The following AGBL1 variants were observed in gnomAD, a reference collection of about 807,000 sequenced individuals.
AGBL1 encodes cytosolic carboxypeptidase 4.
In AGBL1, 130 loss-of-function variants were observed where a neutral mutation model predicts 118.9. That is an observed-to-expected ratio of 1.09 (90% CI 0.95 to 1.26). The LOEUF (loss-of-function observed/expected upper bound fraction) is 1.26. Among genes scored for constraint, AGBL1 ranks in the 50% most tolerant of loss-of-function variants. The probability of loss-of-function intolerance (pLI) is 0.00; values close to 1 mark genes in which losing one functional copy is unlikely to be tolerated. For missense variants in AGBL1, 1,584 were observed against 1,298.1 expected (o/e 1.22, Z -3.38); for synonymous variants, 555 against 478.9 (o/e 1.16, Z -2.08).
chr15:86,278,720 G>A (rs148715355), intron 15 of AGBL1, among the ~76,000 whole-genome samples: 40 of 152,260 alleles, frequency 2.6e-4, no homozygotes, highest in East Asian at 1.9e-4. Context: ...CTTGGTGTCC[G>A]GGTGTATTTT....
chr15:86,366,815 AG>A (rs1356141542), intron 17 of AGBL1, among the ~76,000 whole-genome samples: 1 of 152,120 alleles, frequency 6.6e-6, no homozygotes, highest in Non-Finnish European at 1.5e-5. Context: ...GGGGGGAAAA[AG>A]GTTCCTTTAC....
intron 17 of AGBL1, among the ~76,000 whole-genome samples, chr15:86,358,952 A>ATT (rs200755043): frequency 6.8e-6 from 1 of 148,000 alleles, no homozygotes; most frequent in Non-Finnish European, 1.5e-5. Context: ...ATTTGCAAGT[A>ATT]TTTTTTTTTT....
chr15:86,847,727 C>T (rs1010933245), intron 22 of AGBL1, among the ~76,000 whole-genome samples: 7 of 152,144 alleles, frequency 4.6e-5, no homozygotes, highest in East Asian at 1.9e-4. Context: ...ATTTTTTGCA[C>T]GTCCTCTTGC....
chr15:86,842,774 C>T (rs907728369), intron 22 of AGBL1, among the ~76,000 whole-genome samples: 4 of 152,116 alleles, frequency 2.6e-5, no homozygotes, highest in Non-Finnish European at 5.9e-5. Flanking sequence ...CATTCTTTCT[C>T]TCCAACTGGA....
chr15:86,442,648 G>T (rs964011167), intron 18 of AGBL1, among the ~76,000 whole-genome samples: 1 of 152,192 alleles, frequency 6.6e-6, no homozygotes, highest in Non-Finnish European at 1.5e-5. Flanking sequence ...CTTTGGGAAA[G>T]AACTAGATAT....
chr15:86,322,207 ACTT>A (rs1229804357), intron 17 of AGBL1, among the ~76,000 whole-genome samples: 1 of 151,414 alleles, frequency 6.6e-6, no homozygotes. Flanking sequence ...ATCTTTATTA[ACTT>A]CTTTTTTTGA....
intron 21 of AGBL1, among the ~76,000 whole-genome samples, chr15:86,665,026 T>G (rs1010682423): frequency 6.6e-6 from 1 of 152,146 alleles, no homozygotes; most frequent in Non-Finnish European, 1.5e-5. Context: ...CAGTTAACAT[T>G]TTTGTGCCCA....
chr15:86,931,478 G>A (rs531757809), intron 23 of AGBL1, among the ~76,000 whole-genome samples: 1 of 151,988 alleles, frequency 6.6e-6, no homozygotes, highest in South Asian at 2.1e-4. Flanking sequence ...GTGGACCCCA[G>A]TTCAGTTTGG....
chr15:86,719,558 T>C (rs192840764), intron 22 of AGBL1, among the ~76,000 whole-genome samples: 1 of 152,238 alleles, frequency 6.6e-6, no homozygotes, highest in East Asian at 1.9e-4. Context: ...CTGAAGCTTT[T>C]CTCTCAGATC....
At chr15:86,746,805 C>G (rs2077763271) in intron 22 of AGBL1, among the ~76,000 whole-genome samples, 1 of 152,012 alleles carries the variant, frequency 6.6e-6, no homozygotes, top group Non-Finnish European at 1.5e-5. Context: ...GGCCGAAACA[C>G]ATGTAACTAT....
chr15:86,832,829 A>G (rs978676244), intron 22 of AGBL1, among the ~76,000 whole-genome samples: 4 of 152,204 alleles, frequency 2.6e-5, no homozygotes, highest in African/African-American at 2.4e-5. Context: ...TCTTTATAGC[A>G]GCACCTCACT....
rs147038974 is a variant in AGBL1, at chr15:86,892,153, C to T, written c.3159-14934C>T. ...AGGTCAAACACCGTCTCTCCTTTCC[C>T]TCTCTTTTGCTTTCATTCTTTTCCT... On this transcript the variant is annotated intron_variant, in intron 22 of 22. Coordinates refer to ENST00000614907, the MANE Select transcript of AGBL1 (RefSeq NM_001386094.1). Among the ~76,000 whole-genome samples the T allele has an allele frequency of 2.8e-3, 428 of 152,182 alleles. 3 individuals carry two copies. Among genetic ancestry groups the T allele is most frequent in the African/African-American group, 9.5e-3 (394 of 41,536 alleles).
chr15:86,749,264 T>G (rs2141250219), intron 22 of AGBL1, among the ~76,000 whole-genome samples: 1 of 152,284 alleles, frequency 6.6e-6, no homozygotes, highest in South Asian at 2.1e-4. Context: ...TGTATTCTCT[T>G]TGAAGCAGTT....
chr15:86,789,185 C>A (rs2078456726), intron 22 of AGBL1, among the ~76,000 whole-genome samples: 1 of 152,218 alleles, frequency 6.6e-6, no homozygotes, highest in Non-Finnish European at 1.5e-5. Context: ...TGGGCTCAGC[C>A]CAATTGCCTG....
intron 13 of AGBL1, 31 bp downstream of exon 13, chr15:86,267,107 C>A (rs368359224): frequency 2.0e-6 from 3 of 1,502,590 alleles, no homozygotes; most frequent in South Asian, 2.4e-5. Flanking sequence ...TGGGTGTCTC[C>A]TGTCAGTTCG....
At chr15:87,028,912 A>G in exon 25 of AGBL1, 1 of 1,500,286 alleles carries the variant, frequency 6.7e-7, no homozygotes, top group East Asian at 2.3e-5. Context: ...TCTGTGAGGA[A>G]ATATCTGAAA....
chr15:86,586,938 G>T (rs543702473), intron 21 of AGBL1, among the ~76,000 whole-genome samples: 11 of 152,216 alleles, frequency 7.2e-5, no homozygotes, highest in Admixed American at 7.2e-4. Flanking sequence ...GGTCAAAAAA[G>T]ACCTGTTTAA....
At position 86,640,167 on chromosome 15, in the gene AGBL1, G is replaced by A. The variant is rs2085167907; in HGVS notation, c.2995-34106G>A. 2.0e-5 allele frequency among the ~76,000 whole-genome samples: 3 copies of A among 152,150 alleles called. No individual in the cohort carries two copies. In the East Asian group the frequency reaches 5.8e-4, roughly 29 times the overall value. On this transcript the variant is annotated intron_variant, in intron 21 of 22. Coordinates refer to ENST00000614907, the MANE Select transcript of AGBL1 (RefSeq NM_001386094.1). ...ATCTGCAAAAATAGGCTTTTTCCTA[G>A]ATGAATGCTCCACCTAGACCACCAG... is the stretch of plus-strand genomic sequence containing the variant.
intron 22 of AGBL1, among the ~76,000 whole-genome samples, chr15:86,843,000 G>T (rs909975816): frequency 2.0e-5 from 3 of 152,074 alleles, no homozygotes; most frequent in Non-Finnish European, 4.4e-5. Context: ...GGGTTTTAGG[G>T]CTCCTTCAAA....
Sources: allele counts gnomAD v4.1 joint callset (sites outside exome capture counted in the v4.1 genomes callset), GRCh38; gene constraint gnomAD v4.1.1; transcripts MANE v1.5; gene names NCBI Gene and HGNC (gene_info 2026-07-23, HGNC 2026-07-21).